PKD1: variants seen among roughly 807,000 people sequenced by gnomAD.
The protein encoded by PKD1 is polycystin 1, transient receptor potential channel interacting.
PKD1 carries 81 observed loss-of-function variants against 361.7 expected under a neutral mutation model. The observed-to-expected ratio is 0.22, with a 90% CI of 0.19 to 0.27. The LOEUF is 0.27. Ranked by LOEUF, PKD1 falls within the 10% of genes least tolerant of loss-of-function variation. PKD1 has a pLI of 1.00. For missense variants in PKD1, 6,399 were observed against 6,118.3 expected (o/e 1.05, Z -1.53); for synonymous variants, 3,615 against 2,818.3 (o/e 1.28, Z -8.95).
Position 2,100,062 on chromosome 16 carries a change from G to A in PKD1, c.9722C>T (p.Ala3241Val). Reference protein sequence around the residue: ...EKEVLAASDAALLRFRRLLVA... With the variant: ...EKEVLAASDAVLLRFRRLLVA... The stretch of plus-strand genomic sequence containing the variant: ...CAGCAGGCGCCGGAAGCGCAAAAGG[G>A]CTGCGTCGCCTAGAAGGCAGGGAGG... Residue 3241 changes from alanine to valine, a missense_variant, in exon 29 of 46, where the codon GCC (alanine) becomes GTC (valine). Coordinates refer to ENST00000262304, the MANE Select transcript of PKD1 (RefSeq NM_001009944.3). The surrounding 1 kb of genome is among the most constrained non-coding windows in gnomAD (Gnocchi z 4.4). 6.3e-7 allele frequency: 1 copy of A among 1,598,556 alleles called. No homozygotes were observed. The highest frequency in any genetic ancestry group is 8.5e-7 in the Non-Finnish European group (1 of 1,174,088).
At chr16:2,112,065 G>C (rs986794370) in intron 14 of PKD1, among the ~76,000 whole-genome samples, 194 bp from the exon 15 acceptor site, 5 of 152,238 alleles carry the variant, frequency 3.3e-5, no homozygotes, top group South Asian at 2.1e-4. Flanking sequence ...TGGCGAGGAC[G>C]GCACCGCCTC....
At chr16:2,097,268 G>A (rs2091886793) in intron 33 of PKD1, 27 bp from the exon 34 acceptor site, 39 of 1,603,240 alleles carry the variant, frequency 2.4e-5, no homozygotes, top group Non-Finnish European at 3.2e-5. Flanking sequence ...CATAGGGTGG[G>A]CCCAGCTGCA....
At position 2,111,110 on chromosome 16, in the gene PKD1, C is replaced by T. The variant is rs1474271392; in HGVS notation, c.4057G>A (p.Gly1353Ser). 22 of 1,610,646 alleles carry T rather than the reference C, an allele frequency of 1.4e-5. No homozygotes were observed. Among genetic ancestry groups the T allele is most frequent in the South Asian group, 4.4e-5 (4 of 91,002 alleles). ...AGCACCAGCGCCAGGGGGAACGTGCCGCTCCGCGTGAAGTTGTGTGTCACC... is the reference window on the plus strand; with the variant it reads ...AGCACCAGCGCCAGGGGGAACGTGCTGCTCCGCGTGAAGTTGTGTGTCACC... ...PTVTHNFTRS[G>S]TFPLALVLSS... is the part of the protein sequence containing the mutation. Residue 1353 changes from glycine to serine, a missense_variant, in exon 15 of 46, where the codon GGC becomes AGC. By Grantham distance (56) the Gly-to-Ser change is moderately conservative. Coordinates refer to ENST00000262304, the MANE Select transcript of PKD1 (RefSeq NM_001009944.3).
intron 1 of PKD1, chr16:2,135,140 G>C (rs1036158923): frequency 1.0e-6 from 1 of 975,528 alleles, no homozygotes; most frequent in African/African-American, 1.8e-5. Context: ...CCACCTCTCC[G>C]GGTACCCCGC....
chr16:2,105,159 G>A (rs1245504143), intron 21 of PKD1, among the ~76,000 whole-genome samples, 163 bp downstream of exon 21: 2 of 150,386 alleles, frequency 1.3e-5, no homozygotes, highest in African/African-American at 4.9e-5. Flanking sequence ...GGACAGAACG[G>A]CTGAGGCTAC....
chr16:2,121,291 C>T lies in PKD1; in HGVS notation c.216-1913G>A, dbSNP rs140747784. On this transcript the variant is annotated intron_variant, in intron 1 of 45. Coordinates refer to ENST00000262304, the MANE Select transcript of PKD1 (RefSeq NM_001009944.3). The stretch of plus-strand genomic sequence containing the variant: ...TAGGCAGGAGAATCACTTGAACCCG[C>T]GAGGCAGAGGTTGCAGTGAGCTGAG... Among the ~76,000 whole-genome samples, 1,311 of 151,080 alleles carry T rather than the reference C, an allele frequency of 8.7e-3. 22 individuals carry two copies. The highest frequency in any genetic ancestry group is 0.03 in the African/African-American group (1,248 of 41,130).
rs1430303850 is a variant in PKD1, at chr16:2,093,085, C to T, written c.11025G>A (p.Leu3675=). ...KRLHGMLRSL[L]VYMLFLLVTL... ...TCACCAGCAGAAAAAGCATGTACACCAGGAGGCTCTGGTGGACGGGGGGGC... is the reference window on the plus strand; with the variant it reads ...TCACCAGCAGAAAAAGCATGTACACTAGGAGGCTCTGGTGGACGGGGGGGC... Residue 3675 remains leucine, a synonymous_variant, in exon 38 of 46, where the codon CTG becomes CTA. Coordinates refer to ENST00000262304, the MANE Select transcript of PKD1 (RefSeq NM_001009944.3). The T allele has an allele frequency of 6.2e-7, 1 of 1,612,608 alleles. No homozygotes were observed. Among genetic ancestry groups the T allele is most frequent in the Non-Finnish European group, 8.5e-7 (1 of 1,179,988 alleles).
chr16:2,134,692 T>A (rs1173319544), intron 1 of PKD1, among the ~76,000 whole-genome samples: 2 of 149,234 alleles, frequency 1.3e-5, no homozygotes, highest in Non-Finnish European at 3.0e-5. Flanking sequence ...ACGGTCCCTA[T>A]GCCTCGGATG....
intron 34 of PKD1, chr16:2,096,848 T>C (rs1409154410): frequency 1.5e-5 from 7 of 476,340 alleles, no homozygotes; most frequent in Non-Finnish European, 2.6e-5. Flanking sequence ...CCGCCCATAA[T>C]TTCTCACTGC....
intron 34 of PKD1, among the ~76,000 whole-genome samples, chr16:2,096,391 G>A (rs997230999): frequency 1.7e-4 from 26 of 152,406 alleles, no homozygotes; most frequent in Admixed American, 1.1e-3. Context: ...GGTCACACGC[G>A]TGGGAACACG....
Position 2,114,561 on chromosome 16 carries a change from A to G in PKD1, c.2462T>C (p.Val821Ala), listed in dbSNP as rs766549097. The change falls in exon 11 of 46, where the codon GTG becomes GCG. Residue 821 changes from valine to alanine, a missense_variant. Val to Ala is a moderately conservative substitution (Grantham distance 64, BLOSUM62 0). Transcript: ENST00000262304. ...LSCSFDVVSP[V>A]AGLRVIYPAP... ...AGGGTAGATGACCCGCAGCCCAGCC[A>G]CTGGGGAGACCACGTCAAAGCTGCA... 1.3e-5 allele frequency: 21 copies of G among 1,594,474 alleles called. No homozygotes were observed. The African/African-American group carries it at 1.3e-4, about 10-fold the overall frequency.
chr16:2,131,346 C>A (rs959429885), intron 1 of PKD1, among the ~76,000 whole-genome samples: 2 of 151,674 alleles, frequency 1.3e-5, no homozygotes, highest in African/African-American at 4.9e-5. Context: ...CCCGTCTCTA[C>A]TAAAAATACA....
intron 1 of PKD1, among the ~76,000 whole-genome samples, chr16:2,122,723 A>G (rs1158349400): frequency 2.6e-5 from 4 of 152,148 alleles, no homozygotes. Context: ...CTGCGGCGGC[A>G]GCAGAACCAA....
At chr16:2,091,970 G>C in intron 40 of PKD1, 64 bp from the exon 41 acceptor site, 1 of 1,611,994 alleles carries the variant, frequency 6.2e-7, no homozygotes, top group Non-Finnish European at 8.5e-7. Flanking sequence ...AGCCAGGCTG[G>C]TCAGGAGGCC....
chr16:2,097,094 G>A (rs937734606), intron 34 of PKD1, 54 bp downstream of exon 34: 21 of 1,342,328 alleles, frequency 1.6e-5, no homozygotes, highest in Admixed American at 2.0e-5. Flanking sequence ...TGCCTGGCCT[G>A]AGTCCCGGCC....
At chr16:2,115,703 A>G (rs978445728) in intron 9 of PKD1, 78 bp from the exon 10 acceptor site, 102 of 1,391,586 alleles carry the variant, frequency 7.3e-5, no homozygotes, top group Non-Finnish European at 9.8e-5. Flanking sequence ...CTGCACCAGC[A>G]ATCCTGGCCT....
At chr16:2,103,171 A>G (rs375568155) in intron 23 of PKD1, 95 bp downstream of exon 23, 4 of 1,416,162 alleles carry the variant, frequency 2.8e-6, no homozygotes, top group East Asian at 2.5e-5. Context: ...CAGAAAGCAA[A>G]TTTCACCAGA....
Position 2,110,943 on chromosome 16 carries a change from G to T in PKD1, c.4224C>A (p.Phe1408Leu). The change falls in exon 15 of 46, where the codon TTC (phenylalanine) becomes TTA (leucine). Residue 1408 changes from phenylalanine (F) to leucine (L), a missense_variant. Phe to Leu is a conservative substitution (Grantham distance 22). Transcript: ENST00000262304. ...CAAAGTCCCAGGTGTAGCGGTAGGGGAACGGGGGCCAGGCACATGCCACCA... is the reference window on the plus strand; with the variant it reads ...CAAAGTCCCAGGTGTAGCGGTAGGGTAACGGGGGCCAGGCACATGCCACCA... Reference protein sequence around the residue: ...AWLVACAWPPFPYRYTWDFGT... With the variant: ...AWLVACAWPPLPYRYTWDFGT... The T allele has an allele frequency of 6.8e-6, 11 of 1,610,936 alleles. No homozygotes were observed. Among genetic ancestry groups the T allele is most frequent in the Non-Finnish European group, 9.3e-6 (11 of 1,179,816 alleles).
rs1198427031 is a variant in PKD1, at chr16:2,094,133, A to G, written c.10577T>C (p.Leu3526Pro). 2.8e-5 allele frequency: 44 copies of G among 1,596,562 alleles called. No homozygotes were observed. Among genetic ancestry groups the G allele is most frequent in the Non-Finnish European group, 3.8e-5 (44 of 1,171,698 alleles). The stretch of plus-strand genomic sequence containing the variant: ...CGCTGCCTGGGGCTGTTCCCAGTTC[A>G]GGCCTGGGCTGGGTGGCCCCAGCTC... ...LGELGPPSPG[L>P]NWEQPQAARL... Residue 3526 changes from leucine (L) to proline (P), a missense_variant, in exon 35 of 46, where the codon CTG becomes CCG. Transcript: ENST00000262304.
Sources: allele counts gnomAD v4.1 joint callset (sites outside exome capture counted in the v4.1 genomes callset), GRCh38; gene constraint gnomAD v4.1.1; non-coding constraint Gnocchi (gnomAD v3.1); transcripts MANE v1.5; gene names NCBI Gene and HGNC (gene_info 2026-07-23, HGNC 2026-07-21).